Variants in SPAG16 observed in about 807,000 individuals in gnomAD.
SPAG16 encodes the protein sperm associated antigen 16.
SPAG16 carries 86 observed loss-of-function variants against 80.4 expected under a neutral mutation model. The ratio of observed to expected loss-of-function variants is 1.07; its 90% CI spans 0.90 to 1.28. SPAG16 has a LOEUF of 1.28. Ranked by LOEUF, SPAG16 falls within the 50% of genes most tolerant of loss-of-function variation. The pLI, the probability that SPAG16 is intolerant of heterozygous loss-of-function variation, is 0.00. For missense variants in SPAG16, 870 were observed against 765.3 expected (o/e 1.14, Z -1.61); for synonymous variants, 294 against 265.9 (o/e 1.11, Z -1.03).
At chr2:214,253,456 A>G (rs935640925) in intron 15 of SPAG16, among the ~76,000 whole-genome samples, 5 of 152,130 alleles carry the variant, frequency 3.3e-5, no homozygotes, top group African/African-American at 4.8e-5. Context: ...TTAAGTCTTT[A>G]ATCCATCTTT....
intron 13 of SPAG16, among the ~76,000 whole-genome samples, chr2:214,050,913 AC>A (rs1559736021): frequency 1.3e-5 from 2 of 152,082 alleles, no homozygotes; most frequent in South Asian, 4.2e-4. Flanking sequence ...CTGGTAGAAC[AC>A]TCTTGCACAT....
chr2:214,352,996 T>A (rs1374318618), intron 15 of SPAG16, among the ~76,000 whole-genome samples: 2 of 152,098 alleles, frequency 1.3e-5, no homozygotes, highest in African/African-American at 4.8e-5. Flanking sequence ...CCATTTCTAT[T>A]TTTCCCCCTT....
intron 13 of SPAG16, among the ~76,000 whole-genome samples, chr2:214,060,761 G>C (rs2050220317): frequency 6.6e-6 from 1 of 152,162 alleles, no homozygotes; most frequent in Non-Finnish European, 1.5e-5. Flanking sequence ...GAGTGGGACA[G>C]AGAGTTGGAA....
intron 15 of SPAG16, among the ~76,000 whole-genome samples, chr2:214,175,339 A>G (rs1339954782): frequency 7.6e-6 from 1 of 130,810 alleles, no homozygotes; most frequent in Non-Finnish European, 1.7e-5. Context: ...AAAGAAATAT[A>G]TATATATGAA....
Position 213,717,238 on chromosome 2 carries a change from A to C in SPAG16, c.1071-145247A>C, listed in dbSNP as rs542327620. Among the ~76,000 whole-genome samples, 20 of 150,188 alleles carry C rather than the reference A, an allele frequency of 1.3e-4. 1 individual carries two copies. Among genetic ancestry groups the C allele is most frequent in the African/African-American group, 4.7e-4 (19 of 40,648 alleles). ...GGTGCCTGCCATCTCAGCTCACTGC[A>C]AGCTCCGCCTCCCAGGTACATGCCA... is the stretch of plus-strand genomic sequence containing the variant. On this transcript the variant is annotated intron_variant, in intron 10 of 15. Coordinates refer to ENST00000331683, the MANE Select transcript of SPAG16 (RefSeq NM_024532.5).
At chr2:213,463,197 G>A (rs751088087) in intron 9 of SPAG16, among the ~76,000 whole-genome samples, 2 of 152,220 alleles carry the variant, frequency 1.3e-5, no homozygotes, top group Non-Finnish European at 2.9e-5. Context: ...AGGACATCTG[G>A]TGGAAGAAGT....
intron 15 of SPAG16, among the ~76,000 whole-genome samples, chr2:214,207,172 G>A (rs1405811779): frequency 6.6e-6 from 1 of 152,088 alleles, no homozygotes; most frequent in African/African-American, 2.4e-5. Context: ...ATTTTATAAG[G>A]GGTACCATTC....
chr2:214,131,468 A>G (rs1190047326), intron 14 of SPAG16, among the ~76,000 whole-genome samples: 1 of 152,174 alleles, frequency 6.6e-6, no homozygotes, highest in Non-Finnish European at 1.5e-5. Context: ...GTGGCTAACT[A>G]AAAGTCAGTG....
intron 15 of SPAG16, among the ~76,000 whole-genome samples, chr2:214,341,852 G>T (rs139336224): frequency 1.9e-4 from 29 of 152,200 alleles, no homozygotes; most frequent in African/African-American, 6.5e-4. Flanking sequence ...TTCCAGGATG[G>T]CAATGAAGAA....
intron 15 of SPAG16, among the ~76,000 whole-genome samples, chr2:214,386,886 A>C (rs774616241): frequency 2.6e-4 from 39 of 151,052 alleles, no homozygotes; most frequent in Non-Finnish European, 4.4e-4. Context: ...AAAAAAAAAA[A>C]CAACTATGAA....
intron 11 of SPAG16, among the ~76,000 whole-genome samples, chr2:213,892,278 A>G (rs1287362243): frequency 1.3e-5 from 2 of 152,150 alleles, no homozygotes; most frequent in Non-Finnish European, 1.5e-5. Context: ...TACCACCCAG[A>G]GCTGAAAAGG....
chr2:214,288,943 A>T (rs796230286), intron 15 of SPAG16, among the ~76,000 whole-genome samples: 35 of 151,650 alleles, frequency 2.3e-4, no homozygotes, highest in African/African-American at 8.5e-4. Flanking sequence ...TAATATTTTG[A>T]ATTTTTAGTA....
chr2:213,285,880 C>T (rs948724096), intron 1 of SPAG16: 186 of 1,288,864 alleles, frequency 1.4e-4, no homozygotes, highest in Non-Finnish European at 1.8e-4. Context: ...CATAATTCTT[C>T]CTAAGCTTAT....
intron 15 of SPAG16, among the ~76,000 whole-genome samples, chr2:214,379,088 A>T (rs1451697500): frequency 1.3e-5 from 2 of 152,182 alleles, no homozygotes; most frequent in African/African-American, 4.8e-5. Flanking sequence ...GCCTCTTGTG[A>T]ATTATCCCTA....
At chr2:213,913,966 C>G (rs2372101) in intron 11 of SPAG16, among the ~76,000 whole-genome samples, 88,892 of 151,872 alleles carry the variant, frequency 0.59, 27,816 homozygotes, top group South Asian at 0.84. Context: ...AGAGAATAAT[C>G]AGCTTTACTC....
intron 10 of SPAG16, among the ~76,000 whole-genome samples, chr2:213,507,851 A>G: frequency 6.6e-6 from 1 of 152,048 alleles, no homozygotes; most frequent in East Asian, 1.9e-4. Flanking sequence ...AGCTCTGATC[A>G]CTCTCTATTA....
chr2:213,329,764 T>A lies in SPAG16; in HGVS notation c.537-10399T>A, dbSNP rs528866053. Among the ~76,000 whole-genome samples the A allele has an allele frequency of 2.0e-5, 3 of 152,120 alleles. No homozygotes were observed. The East Asian group carries it at 5.8e-4, about 29-fold the overall frequency. ...ATGGGGAAAATGTCTCCAGGGCATG[T>A]CAGAGACCTTTGCGACAACCCCTGC... On this transcript the variant is annotated intron_variant, in intron 5 of 15. Coordinates refer to ENST00000331683, the MANE Select transcript of SPAG16 (RefSeq NM_024532.5).
At chr2:213,841,892 C>T (rs2074380417) in intron 10 of SPAG16, among the ~76,000 whole-genome samples, 1 of 151,960 alleles carries the variant, frequency 6.6e-6, no homozygotes, top group South Asian at 2.1e-4. Flanking sequence ...TCTTTAGGAT[C>T]TACATTTCCC....
intron 10 of SPAG16, among the ~76,000 whole-genome samples, chr2:213,683,124 G>T (rs553076607): frequency 7.2e-4 from 109 of 152,254 alleles, no homozygotes; most frequent in African/African-American, 2.5e-3. Context: ...CACAGCTCTT[G>T]ATTTTTCTAA....
Sources: gnomAD v4.1 joint callset for allele counts (sites outside exome capture counted in the v4.1 genomes callset) on GRCh38, gnomAD v4.1.1 for gene constraint, MANE v1.5 for transcripts, NCBI Gene and HGNC (gene_info 2026-07-23, HGNC 2026-07-21) for gene names.